The following KDM4C variants were observed in gnomAD, a reference collection of about 807,000 sequenced individuals.
KDM4C encodes the protein lysine-specific demethylase 4C.
A neutral mutation model predicts 129.3 loss-of-function variants in KDM4C; 81 were observed. The observed-to-expected ratio is 0.63, with a 90% CI of 0.52 to 0.75. The LOEUF (loss-of-function observed/expected upper bound fraction) is 0.75. Ranked by LOEUF, KDM4C falls within the 30% of genes least tolerant of loss-of-function variation. The pLI, the probability that KDM4C is intolerant of heterozygous loss-of-function variation, is 0.00. For synonymous variants in KDM4C, 573 were observed against 456.1 expected (o/e 1.26, Z -3.26); for missense variants, 1,457 against 1,304.0 (o/e 1.12, Z -1.81).
At chr9:6,989,231 C>T (rs186481815) in intron 11 of KDM4C, among the ~76,000 whole-genome samples, 40 of 152,284 alleles carry the variant, frequency 2.6e-4, no homozygotes, top group Admixed American at 6.5e-4. Flanking sequence ...TTCTTAGAAT[C>T]ATGTGTTGGA....
chr9:6,955,092 G>C (rs1828838339), intron 8 of KDM4C, among the ~76,000 whole-genome samples: 1 of 152,186 alleles, frequency 6.6e-6, no homozygotes, highest in African/African-American at 2.4e-5. Flanking sequence ...CATCTCCTGG[G>C]AGCATAAAAG....
At chr9:6,769,337 C>T (rs1004966399) in intron 1 of KDM4C, among the ~76,000 whole-genome samples, 8 of 151,790 alleles carry the variant, frequency 5.3e-5, no homozygotes, top group African/African-American at 1.9e-4. Flanking sequence ...TGATCTTTTT[C>T]CTTTTTTTCT....
In KDM4C at chr9:7,128,134, G is replaced by A; in HGVS notation, c.2679G>A (p.Arg893=). 1.2e-6 allele frequency: 2 copies of A among 1,613,044 alleles called. No homozygotes were observed. Among genetic ancestry groups the A allele is most frequent in the African/African-American group, 2.7e-5 (2 of 74,908 alleles). Residue 893 remains arginine (R), a synonymous_variant, in exon 19 of 22, where the codon CGG becomes CGA. Coordinates refer to ENST00000381309, the MANE Select transcript of KDM4C (RefSeq NM_015061.6). Reference sequence around the variant, plus strand: ...TCATCACGAAGCATCGGAACACCCGGTATTACAGTTGCAGAGTGATGGCTG... The same window carrying A: ...TCATCACGAAGCATCGGAACACCCGATATTACAGTTGCAGAGTGATGGCTG... ...QTVITKHRNT[R]YYSCRVMAVT...
intron 1 of KDM4C, among the ~76,000 whole-genome samples, chr9:6,791,421 A>G (rs534290062): frequency 1.3e-5 from 2 of 152,202 alleles, no homozygotes; most frequent in Admixed American, 6.5e-5. Flanking sequence ...GTACATTTTT[A>G]TATTGAAGTT....
At chr9:6,903,128 T>C (rs1187390126) in intron 8 of KDM4C, among the ~76,000 whole-genome samples, 1 of 152,232 alleles carries the variant, frequency 6.6e-6, no homozygotes, top group Non-Finnish European at 1.5e-5. Flanking sequence ...ATTAACTGTT[T>C]AAAATTTTCG....
intron 20 of KDM4C, among the ~76,000 whole-genome samples, chr9:7,166,418 G>A (rs1174399876): frequency 6.7e-6 from 1 of 148,920 alleles, no homozygotes; most frequent in East Asian, 2.0e-4. Context: ...GGAATGGATA[G>A]GGGAGGATGT....
chr9:6,761,435 C>T (rs1274316750), intron 1 of KDM4C, among the ~76,000 whole-genome samples: 1 of 151,504 alleles, frequency 6.6e-6, no homozygotes, highest in Non-Finnish European at 1.5e-5. Flanking sequence ...CTGCTGTGCT[C>T]TGGCAGTCCA....
At chr9:7,135,590 T>A (rs1169869286) in intron 19 of KDM4C, among the ~76,000 whole-genome samples, 6 of 146,524 alleles carry the variant, frequency 4.1e-5, no homozygotes, top group African/African-American at 1.6e-4. Flanking sequence ...CCAGTGATGT[T>A]GTCCGTTCTG....
intron 1 of KDM4C, among the ~76,000 whole-genome samples, chr9:6,762,095 C>A (rs10975822): frequency 0.13 from 19,932 of 151,694 alleles, 1,857 homozygotes; most frequent in African/African-American, 0.26. Context: ...ATCATGCCTG[C>A]CCATTTTTCT....
chr9:6,980,042 A>G lies in KDM4C; in HGVS notation c.922-883A>G, dbSNP rs186219179. Among the ~76,000 whole-genome samples the G allele has an allele frequency of 1.7e-3, 260 of 152,324 alleles. 1 individual carries two copies. Among genetic ancestry groups the G allele is most frequent in the African/African-American group, 5.9e-3 (245 of 41,586 alleles). On this transcript the variant is annotated intron_variant, in intron 8 of 21. Transcript: ENST00000381309. ...TTTGCATGGAGGTGATAATTGTATCACCAAGATATCTAAAGTCTTATTGTG... is the reference window on the plus strand; with the variant it reads ...TTTGCATGGAGGTGATAATTGTATCGCCAAGATATCTAAAGTCTTATTGTG...
At chr9:6,921,654 T>G (rs1348335860) in intron 8 of KDM4C, among the ~76,000 whole-genome samples, 1 of 152,186 alleles carries the variant, frequency 6.6e-6, no homozygotes, top group Non-Finnish European at 1.5e-5. Context: ...GCATGACAGC[T>G]TTAAAACCAT....
In KDM4C at chr9:6,849,566, G is replaced by A. The variant is rs1374990785; in HGVS notation, c.495G>A (p.Glu165=). Residue 165 remains glutamate (E), a synonymous_variant, in exon 5 of 22, where the codon GAG becomes GAA. Coordinates refer to ENST00000381309, the MANE Select transcript of KDM4C (RefSeq NM_015061.6). ...CAGTCTTGGATGTGGTTGAAGAAGA[G>A]TGTGGCATTTCTATTGAGGGTGTAA... ...LNTVLDVVEE[E]CGISIEGVNT... is the part of the protein sequence containing the mutation. 1.9e-6 allele frequency: 3 copies of A among 1,613,782 alleles called. No homozygotes were observed. In the South Asian group the frequency reaches 3.3e-5, roughly 18 times the overall value.
intron 8 of KDM4C, among the ~76,000 whole-genome samples, chr9:6,902,066 CT>C (rs1362563932): frequency 6.6e-6 from 1 of 152,070 alleles, no homozygotes; most frequent in African/African-American, 2.4e-5. Flanking sequence ...TAAATTAGGC[CT>C]TTGTTGTTTG....
intron 11 of KDM4C, among the ~76,000 whole-genome samples, chr9:6,988,076 G>A (rs773130668): frequency 6.8e-6 from 1 of 146,084 alleles, no homozygotes; most frequent in East Asian, 2.0e-4. Flanking sequence ...GATCACTCGA[G>A]CTCAGGAATT....
intron 12 of KDM4C, among the ~76,000 whole-genome samples, chr9:7,007,611 C>G (rs1821914389): frequency 6.6e-6 from 1 of 152,168 alleles, no homozygotes; most frequent in Non-Finnish European, 1.5e-5. Flanking sequence ...AGCAGTGACT[C>G]TTTGATACTA....
intron 8 of KDM4C, among the ~76,000 whole-genome samples, chr9:6,950,662 A>C (rs116723378): frequency 1.3e-5 from 2 of 152,356 alleles, no homozygotes; most frequent in African/African-American, 4.8e-5. Context: ...TCTTCTAGCT[A>C]GCCAATGTTC....
At chr9:7,153,552 G>A (rs1842903034) in intron 19 of KDM4C, among the ~76,000 whole-genome samples, 1 of 152,162 alleles carries the variant, frequency 6.6e-6, no homozygotes, top group South Asian at 2.1e-4. Context: ...CCTTCTTTTT[G>A]AGGAGGATGG....
chr9:7,065,137 C>G (rs1379173203), intron 17 of KDM4C, among the ~76,000 whole-genome samples: 4 of 152,154 alleles, frequency 2.6e-5, no homozygotes, highest in Non-Finnish European at 5.9e-5. Context: ...AAGAACTACA[C>G]AGAATTTTGT....
intron 19 of KDM4C, among the ~76,000 whole-genome samples, chr9:7,163,189 A>G (rs768496223): frequency 3.9e-5 from 6 of 152,046 alleles, no homozygotes; most frequent in Non-Finnish European, 7.4e-5. Flanking sequence ...CACCCTTAGT[A>G]CCTCAGCATG....
Sources: gnomAD v4.1 joint callset for allele counts (sites outside exome capture counted in the v4.1 genomes callset) on GRCh38, gnomAD v4.1.1 for gene constraint, MANE v1.5 for transcripts, NCBI Gene and HGNC (gene_info 2026-07-23, HGNC 2026-07-21) for gene names.